Variants in FBRSL1 observed in about 807,000 individuals in gnomAD.
FBRSL1 encodes fibrosin-1-like protein.
FBRSL1 carries 51 observed loss-of-function variants against 89.6 expected under a neutral mutation model. The ratio of observed to expected loss-of-function variants is 0.57; its 90% CI spans 0.45 to 0.72. The LOEUF (loss-of-function observed/expected upper bound fraction) is 0.72, where lower values mean the gene tolerates loss of function less well. Ranked by LOEUF, FBRSL1 falls within the 30% of genes least tolerant of loss-of-function variation. The pLI is 0.00. For synonymous variants in FBRSL1, 779 were observed against 681.1 expected, an observed-to-expected ratio of 1.14 and a Z score of -2.24; for missense variants, 1,618 against 1,451.8, an observed-to-expected ratio of 1.11 and a Z score of -1.86.
chr12:132,563,688 T>C (rs896708264), intron 5 of FBRSL1, among the ~76,000 whole-genome samples: 1 of 148,420 alleles, frequency 6.7e-6, no homozygotes, highest in African/African-American at 2.5e-5. Flanking sequence ...GTTTGCTTTT[T>C]GACACATACC....
chr12:132,545,828 A>G (rs1333837815), intron 4 of FBRSL1, among the ~76,000 whole-genome samples: 1 of 152,226 alleles, frequency 6.6e-6, no homozygotes, highest in East Asian at 1.9e-4. Context: ...GTGGGATTGC[A>G]GTTTCCAAGT....
intron 1 of FBRSL1, among the ~76,000 whole-genome samples, chr12:132,492,870 C>T (rs2031307542): frequency 6.6e-6 from 1 of 152,230 alleles, no homozygotes; most frequent in African/African-American, 2.4e-5. Context: ...TCATCCCATA[C>T]GTGTCTCTTG....
At chr12:132,496,911 T>A (rs1175166214) in intron 1 of FBRSL1, among the ~76,000 whole-genome samples, 1 of 142,658 alleles carries the variant, frequency 7.0e-6, no homozygotes, top group African/African-American at 2.6e-5. Flanking sequence ...CTCACCCAGC[T>A]TGTGCCGCTG....
chr12:132,535,243 T>C (rs1566159310), intron 4 of FBRSL1, among the ~76,000 whole-genome samples: 1 of 152,228 alleles, frequency 6.6e-6, no homozygotes, highest in African/African-American at 2.4e-5. Context: ...TACGGTCGGC[T>C]CCAAGAAAGG....
intron 6 of FBRSL1, among the ~76,000 whole-genome samples, chr12:132,568,048 C>A (rs1361802247): frequency 2.0e-5 from 3 of 148,306 alleles, no homozygotes; most frequent in Admixed American, 2.0e-4. Flanking sequence ...AGGGGGTAGC[C>A]CCGGCGTCTT....
At chr12:132,510,948 T>G in intron 2 of FBRSL1, 1 of 991,376 alleles carries the variant, frequency 1.0e-6, no homozygotes, top group Non-Finnish European at 1.2e-6. Context: ...GTGTGCGTGC[T>G]GTGTGTGCAT....
Position 132,583,267 on chromosome 12 carries a change from C to T in FBRSL1, c.2498C>T (p.Pro833Leu). ...GAGCCCCCGGCGGGCGGCCTGCACC[C>T]CGCGCCCCTGCAGCTCGGCCTGGGC... The part of the protein sequence containing the change: ...ASEPPAGGLH[P>L]APLQLGLGRE... Residue 833 changes from proline to leucine, a missense_variant, in exon 19 of 19, where the codon CCC becomes CTC. Physicochemically the swap from Pro to Leu is moderately conservative, Grantham distance 98. Transcript: ENST00000680143. 1 of 1,301,480 alleles carries T rather than the reference C, an allele frequency of 7.7e-7. No individual in the cohort carries two copies. Among genetic ancestry groups the T allele is most frequent in the Non-Finnish European group, 9.8e-7 (1 of 1,024,720 alleles). The allele number at this position is 1,301,480 out of a possible 1,614,324, so 80.6% of individuals were successfully genotyped here.
At chr12:132,521,337 T>C (rs2035333302) in intron 2 of FBRSL1, among the ~76,000 whole-genome samples, 1 of 152,214 alleles carries the variant, frequency 6.6e-6, no homozygotes. Flanking sequence ...ATACCTGTGC[T>C]CCATTTCTGC....
Position 132,583,675 on chromosome 12 carries a change from C to G in FBRSL1, c.2906C>G (p.Pro969Arg), listed in dbSNP as rs1474425600. Residue 969 changes from proline (P) to arginine (R), a missense_variant, in exon 19 of 19, where the codon CCC becomes CGC. Transcript: ENST00000680143. ...LVTAAGPPTP[P>R]GPPRSRTTPL... The stretch of plus-strand genomic sequence containing the variant: ...ACGGCGGCCGGGCCCCCCACGCCCC[C>G]CGGGCCGCCGCGGAGCCGGACTACT... 1 of 1,121,442 alleles carries G rather than the reference C, an allele frequency of 8.9e-7. No individual in the cohort carries two copies. The highest frequency in any genetic ancestry group is 1.1e-6 in the Non-Finnish European group (1 of 916,944). 69.5% of individuals were successfully genotyped at this position (1,121,442 alleles called of 1,614,324 possible).
chr12:132,532,033 A>G (rs57303153), intron 4 of FBRSL1, among the ~76,000 whole-genome samples: 1,779 of 152,300 alleles, frequency 0.012, 45 homozygotes, highest in East Asian at 0.12. Context: ...TAGTGGATCG[A>G]TTAGACAGAA....
intron 1 of FBRSL1, among the ~76,000 whole-genome samples, chr12:132,502,541 GC>G (rs1452799156): frequency 5.3e-5 from 8 of 152,134 alleles, no homozygotes; most frequent in Non-Finnish European, 4.4e-5. Context: ...TCCCAGTCGG[GC>G]TGGTCAGAGG....
At chr12:132,503,135 A>G (rs1292207745) in intron 1 of FBRSL1, among the ~76,000 whole-genome samples, 1 of 99,438 alleles carries the variant, frequency 1.0e-5, no homozygotes, top group Non-Finnish European at 1.9e-5. Flanking sequence ...AGGAGCCCTG[A>G]CCCTACCTCC....
At chr12:132,510,530 G>A (rs1447146944) in intron 2 of FBRSL1, 30 of 1,231,496 alleles carry the variant, frequency 2.4e-5, no homozygotes, top group East Asian at 6.3e-5. Flanking sequence ...GGCCAAGGCC[G>A]CATTGCCCTT....
At chr12:132,504,809 A>G (rs2033477993) in intron 1 of FBRSL1, among the ~76,000 whole-genome samples, 2 of 152,102 alleles carry the variant, frequency 1.3e-5, no homozygotes, top group African/African-American at 4.8e-5. Context: ...CGACCAACTC[A>G]TGGGGTCCTG....
intron 4 of FBRSL1, among the ~76,000 whole-genome samples, chr12:132,538,041 T>C (rs541917707): frequency 6.2e-4 from 94 of 151,956 alleles, no homozygotes; most frequent in African/African-American, 1.9e-3. Context: ...AAGAAGAGCA[T>C]TGGGGGAACG....
chr12:132,570,555 C>T lies in FBRSL1; in HGVS notation c.1213+15C>T, dbSNP rs944944033. On this transcript the variant is annotated intron_variant, in intron 8 of 18. Transcript: ENST00000680143. ...ACACCCGGCCGGTAGGTGTCTCGGC[C>T]ACAATCTCGCCCAGGGCAGGGGTTG... 332 of 1,492,088 alleles carry T rather than the reference C, an allele frequency of 2.2e-4. 1 individual carries two copies. Among genetic ancestry groups the T allele is most frequent in the Non-Finnish European group, 2.8e-4 (313 of 1,123,912 alleles). 92.4% of individuals were successfully genotyped at this position (1,492,088 alleles called of 1,614,324 possible). A position where few individuals can be genotyped will look rare whatever the true frequency, so the allele number is the denominator to read the frequency against.
At chr12:132,535,065 T>G (rs1026902846) in intron 4 of FBRSL1, among the ~76,000 whole-genome samples, 1 of 152,190 alleles carries the variant, frequency 6.6e-6, no homozygotes, top group Non-Finnish European at 1.5e-5. Context: ...CAGGCCAGAG[T>G]CTGGGGTGCC....
Position 132,571,189 on chromosome 12 carries a change from G to A in FBRSL1, c.1335G>A (p.Ala445=), listed in dbSNP as rs1417981992. The A allele has an allele frequency of 2.7e-5, 39 of 1,432,588 alleles. No individual in the cohort carries two copies. In the South Asian group the frequency reaches 4.9e-4, roughly 18 times the overall value. The allele number at this position is 1,432,588 out of a possible 1,614,324, so 88.7% of individuals were successfully genotyped here. A position where few individuals can be genotyped will look rare whatever the true frequency, so the allele number is the denominator to read the frequency against. ...LLPAPLGPHV[A]SGHPGLACRP... is the part of the protein sequence containing the mutation. ...CTGCACCCCTGGGCCCGCACGTGGCGAGCGGCCACCCCGGCTTGGCCTGCC... is the reference window on the plus strand; with the variant it reads ...CTGCACCCCTGGGCCCGCACGTGGCAAGCGGCCACCCCGGCTTGGCCTGCC... The change falls in exon 9 of 19, where the codon GCG becomes GCA. Residue 445 remains alanine (A), a synonymous_variant. Coordinates refer to ENST00000680143, the MANE Select transcript of FBRSL1 (RefSeq NM_001367871.1).
At chr12:132,580,776 G>T (rs548124985) in intron 15 of FBRSL1, 46 of 985,292 alleles carry the variant, frequency 4.7e-5, no homozygotes, top group Non-Finnish European at 5.5e-5. Flanking sequence ...TAAAGATGAC[G>T]CCCTGCTGGT....
Sources: allele counts gnomAD v4.1 joint callset (sites outside exome capture counted in the v4.1 genomes callset), GRCh38; gene constraint gnomAD v4.1.1; transcripts MANE v1.5; gene names NCBI Gene and HGNC (gene_info 2026-07-23, HGNC 2026-07-21).